Variants in RPS6KC1 observed in about 807,000 individuals in gnomAD.
RPS6KC1 encodes the protein ribosomal protein S6 kinase C1.
In RPS6KC1, 54 loss-of-function variants were observed where a neutral mutation model predicts 103.8. That is an observed-to-expected ratio of 0.52 (90% CI 0.42 to 0.65). The LOEUF (loss-of-function observed/expected upper bound fraction) is 0.65, where lower values mean the gene tolerates loss of function less well. Among genes scored for constraint, RPS6KC1 ranks in the 30% least tolerant of loss-of-function variants. The pLI is 0.00. For synonymous variants in RPS6KC1, 439 were observed against 438.7 expected, an observed-to-expected ratio of 1.00 and a Z score of -0.01; for missense variants, 1,151 against 1,253.8, an observed-to-expected ratio of 0.92 and a Z score of 1.24.
chr1:213,075,523 C>T (rs2079255178), intron 2 of RPS6KC1, among the ~76,000 whole-genome samples: 1 of 152,106 alleles, frequency 6.6e-6, no homozygotes, highest in Admixed American at 6.5e-5. Flanking sequence ...TGCTCTTCAA[C>T]CCTAAACCTA....
chr1:213,096,706 T>A (rs1228431141), intron 3 of RPS6KC1, among the ~76,000 whole-genome samples: 5 of 151,922 alleles, frequency 3.3e-5, no homozygotes, highest in Non-Finnish European at 7.4e-5. Context: ...TTCCCCCAAA[T>A]GTTGTCAATG....
chr1:213,632,890 A>G, the RPS6KC1 span, among the ~76,000 whole-genome samples: 1 of 152,244 alleles, frequency 6.6e-6, no homozygotes, highest in African/African-American at 2.4e-5. Context: ...CATGAGAACT[A>G]CGTGACGCAT....
At chr1:213,119,407 A>T (rs2084085081) in intron 5 of RPS6KC1, among the ~76,000 whole-genome samples, 1 of 97,254 alleles carries the variant, frequency 1.0e-5, no homozygotes, top group Non-Finnish European at 2.2e-5. Flanking sequence ...AGATCACGCC[A>T]CTGCACTCCA....
chr1:213,156,574 CT>C (rs1473824558), intron 6 of RPS6KC1, among the ~76,000 whole-genome samples: 1 of 152,068 alleles, frequency 6.6e-6, no homozygotes, highest in Non-Finnish European at 1.5e-5. Context: ...AAGGGAAAAC[CT>C]TGAGATTAAC....
At chr1:213,254,053 A>G (rs1463050376) in intron 12 of RPS6KC1, among the ~76,000 whole-genome samples, 1 of 152,186 alleles carries the variant, frequency 6.6e-6, no homozygotes, top group East Asian at 1.9e-4. Context: ...TGGCTTATTG[A>G]AGAGTGTTCT....
chr1:213,616,393 T>G, the RPS6KC1 span, among the ~76,000 whole-genome samples: 4 of 152,088 alleles, frequency 2.6e-5, no homozygotes, highest in Non-Finnish European at 5.9e-5. Context: ...GCCCAGAGGA[T>G]GAGAAGACCA....
chr1:213,595,468 G>T, the RPS6KC1 span, among the ~76,000 whole-genome samples: 4 of 152,316 alleles, frequency 2.6e-5, no homozygotes, highest in East Asian at 5.8e-4. Flanking sequence ...TCATTGTTGT[G>T]GTGAGAGGAC....
At chr1:213,362,029 T>C in the RPS6KC1 span, among the ~76,000 whole-genome samples, 1 of 152,344 alleles carries the variant, frequency 6.6e-6, no homozygotes, top group South Asian at 2.1e-4. Context: ...AAACCCTTTT[T>C]TCTCTTTTTG....
At chr1:213,396,409 C>T in the RPS6KC1 span, among the ~76,000 whole-genome samples, 2 of 152,148 alleles carry the variant, frequency 1.3e-5, no homozygotes, top group Non-Finnish European at 2.9e-5. Flanking sequence ...GAGACTGCAT[C>T]TTCCATTTCT....
At chr1:213,823,758 C>CCA in the RPS6KC1 span, among the ~76,000 whole-genome samples, 4 of 104,718 alleles carry the variant, frequency 3.8e-5, no homozygotes, top group South Asian at 1.3e-3. Context: ...ACACACCACA[C>CCA]CACATCAAAC....
At chr1:213,129,941 G>T in intron 6 of RPS6KC1, 52 bp downstream of exon 6, 2 of 1,493,176 alleles carry the variant, frequency 1.3e-6, no homozygotes. Flanking sequence ...TGGTATGTGG[G>T]AAAAAAAAGT....
At chr1:213,417,221 C>T in the RPS6KC1 span, among the ~76,000 whole-genome samples, 14 of 152,146 alleles carry the variant, frequency 9.2e-5, no homozygotes, top group Non-Finnish European at 1.9e-4. Context: ...ACATTTGCTA[C>T]GAATCTTTAT....
At chr1:213,148,628 C>T (rs1049488471) in intron 6 of RPS6KC1, among the ~76,000 whole-genome samples, 1 of 151,986 alleles carries the variant, frequency 6.6e-6, no homozygotes. Context: ...AGATATTGGT[C>T]TATGGTTTTC....
chr1:213,346,053 C>T, the RPS6KC1 span, among the ~76,000 whole-genome samples: 1 of 152,180 alleles, frequency 6.6e-6, no homozygotes, highest in African/African-American at 2.4e-5. Flanking sequence ...GTAACAATAT[C>T]ATGGACACAT....
the RPS6KC1 span, among the ~76,000 whole-genome samples, chr1:213,361,464 G>C: frequency 6.6e-6 from 1 of 152,226 alleles, no homozygotes; most frequent in Admixed American, 6.5e-5. Context: ...TCCCAGCTTT[G>C]CTTGGCTATG....
At chr1:213,643,931 C>A in the RPS6KC1 span, among the ~76,000 whole-genome samples, 75 of 152,102 alleles carry the variant, frequency 4.9e-4, 1 homozygote, top group African/African-American at 1.6e-3. Context: ...ATTTTCTAGT[C>A]ATGAACCATC....
At chr1:213,678,187 A>G in the RPS6KC1 span, among the ~76,000 whole-genome samples, 4 of 152,198 alleles carry the variant, frequency 2.6e-5, no homozygotes, top group East Asian at 1.9e-4. Context: ...AGACACAGAC[A>G]AAAGGACACT....
chr1:213,210,892 A>G (rs1410193792), intron 8 of RPS6KC1, among the ~76,000 whole-genome samples: 1 of 152,246 alleles, frequency 6.6e-6, no homozygotes, highest in Non-Finnish European at 1.5e-5. Context: ...TGTTATCATT[A>G]TGAGAGAACA....
At chr1:213,475,781 C>T in the RPS6KC1 span, among the ~76,000 whole-genome samples, 6 of 152,180 alleles carry the variant, frequency 3.9e-5, no homozygotes, top group Non-Finnish European at 7.3e-5. Context: ...CCATCTTTGG[C>T]CTCCATATTG....
Sources: gnomAD v4.1 joint callset for allele counts (sites outside exome capture counted in the v4.1 genomes callset) on GRCh38, gnomAD v4.1.1 for gene constraint, MANE v1.5 for transcripts, NCBI Gene and HGNC (gene_info 2026-07-23, HGNC 2026-07-21) for gene names.